The following PCSK5 variants were observed in gnomAD, a reference collection of about 807,000 sequenced individuals.
PCSK5 encodes the protein prohormone convertase 5.
Under a neutral mutation model 233.2 loss-of-function variants are expected in PCSK5, and 129 were observed. That is an observed-to-expected ratio of 0.55 (90% confidence interval 0.48 to 0.64). The LOEUF (loss-of-function observed/expected upper bound fraction) is 0.64, where lower values mean the gene tolerates loss of function less well. Ranked by LOEUF, PCSK5 falls within the 30% of genes least tolerant of loss-of-function variation. PCSK5 has a pLI of 0.00. For synonymous variants in PCSK5, 825 were observed against 879.2 expected, an observed-to-expected ratio of 0.94 and a Z score of 1.09; for missense variants, 2,076 against 2,430.1, an observed-to-expected ratio of 0.85 and a Z score of 3.06.
rs1830311841 is a variant in PCSK5 at position 76,067,025 on chromosome 9, C to A, written c.633-930C>A. On this transcript the variant is annotated intron_variant, in intron 5 of 37. Coordinates refer to ENST00000674117, the MANE Select transcript of PCSK5 (RefSeq NM_001372043.1). ...TCACATCCCCCTTCTGCAGGCATGGCAGACATTAGAGGTCAGTCTTGGTGT... is the reference window on the plus strand; with the variant it reads ...TCACATCCCCCTTCTGCAGGCATGGAAGACATTAGAGGTCAGTCTTGGTGT... Among the ~76,000 whole-genome samples, 3 of 152,178 alleles carry A rather than the reference C, an allele frequency of 2.0e-5. 1 individual carries two copies. Among genetic ancestry groups the A allele is most frequent in the Admixed American group, 1.3e-4 (2 of 15,290 alleles).
At position 76,328,542 on chromosome 9, in the gene PCSK5, T is replaced by G. The variant is rs141291864; in HGVS notation, c.4570+303T>G. Among the ~76,000 whole-genome samples, 213 of 152,248 alleles carry G rather than the reference T, an allele frequency of 1.4e-3. 6 individuals carry two copies. In the East Asian group the frequency reaches 0.038, roughly 27 times the overall value. On this transcript the variant is annotated intron_variant, in intron 33 of 37. Coordinates refer to ENST00000674117, the MANE Select transcript of PCSK5 (RefSeq NM_001372043.1). Reference sequence around the variant, plus strand: ...CTCTATCGCTCTCTTCCTCTCACTCTCTCAATGTATACATGTACATCATTC... The same window carrying G: ...CTCTATCGCTCTCTTCCTCTCACTCGCTCAATGTATACATGTACATCATTC...
intron 20 of PCSK5, among the ~76,000 whole-genome samples, chr9:76,192,026 C>T (rs1397237593): frequency 7.9e-6 from 1 of 126,492 alleles, no homozygotes; most frequent in East Asian, 2.3e-4. Flanking sequence ...TTGCAGAGAG[C>T]AGAGATCGTG....
chr9:75,981,881 G>A (rs1017342255), intron 2 of PCSK5, among the ~76,000 whole-genome samples: 4 of 152,098 alleles, frequency 2.6e-5, no homozygotes, highest in African/African-American at 9.7e-5. Context: ...ATTTGAAATT[G>A]TTTTTTGATT....
chr9:76,133,281 A>G (rs1470031765), intron 9 of PCSK5, among the ~76,000 whole-genome samples: 10 of 152,110 alleles, frequency 6.6e-5, no homozygotes, highest in Non-Finnish European at 1.5e-4. Flanking sequence ...TTAGAATTGC[A>G]TGCATGCGCT....
At chr9:76,158,315 G>C (rs145396902) in intron 11 of PCSK5, among the ~76,000 whole-genome samples, 5 of 152,166 alleles carry the variant, frequency 3.3e-5, no homozygotes, top group Admixed American at 2.0e-4. Context: ...AGCGTTAGCC[G>C]TAGGGACATC....
intron 2 of PCSK5, among the ~76,000 whole-genome samples, chr9:75,941,903 G>C (rs775560780): frequency 4.6e-5 from 7 of 152,182 alleles, no homozygotes; most frequent in Non-Finnish European, 2.9e-5. Context: ...AATATCTGAT[G>C]GGAAAGTTTT....
At chr9:75,991,886 A>G (rs966359934) in intron 3 of PCSK5, among the ~76,000 whole-genome samples, 65 of 152,126 alleles carry the variant, frequency 4.3e-4, no homozygotes, top group Non-Finnish European at 7.6e-4. Context: ...AATGTTCAAG[A>G]CAGCCTAGGC....
chr9:76,055,953 G>C (rs1456479759), intron 5 of PCSK5, among the ~76,000 whole-genome samples: 4 of 152,128 alleles, frequency 2.6e-5, no homozygotes, highest in Non-Finnish European at 5.9e-5. Flanking sequence ...CATCAATTTT[G>C]CACAATATGT....
At chr9:75,925,150 A>C (rs1055806942) in intron 1 of PCSK5, among the ~76,000 whole-genome samples, 5 of 152,182 alleles carry the variant, frequency 3.3e-5, no homozygotes, top group Non-Finnish European at 7.3e-5. Context: ...TGATGGGATG[A>C]GGGAGGGGAC....
intron 24 of PCSK5, among the ~76,000 whole-genome samples, chr9:76,278,592 A>G (rs751694551): frequency 3.9e-5 from 6 of 152,140 alleles, no homozygotes; most frequent in Non-Finnish European, 8.8e-5. Flanking sequence ...TTTTAAAAGC[A>G]TAGAAACATA....
rs112998695 is a variant in PCSK5, at chr9:75,903,578, A to G, written c.192+12205A>G. Among the ~76,000 whole-genome samples the G allele has an allele frequency of 3.4e-3, 282 of 83,982 alleles. 3 individuals carry two copies. Among genetic ancestry groups the G allele is most frequent in the African/African-American group, 0.014 (210 of 15,512 alleles). 55.1% of individuals were successfully genotyped at this position (83,982 alleles called of 152,430 possible). On this transcript the variant is annotated intron_variant, in intron 1 of 37. Coordinates refer to ENST00000674117, the MANE Select transcript of PCSK5 (RefSeq NM_001372043.1). ...TGTGTATATATGTGTGTGTGTGTATATATATATATAAAATATATATTATAT... is the reference window on the plus strand; with the variant it reads ...TGTGTATATATGTGTGTGTGTGTATGTATATATATAAAATATATATTATAT...
chr9:76,133,796 AC>A (rs1353447247), intron 9 of PCSK5, among the ~76,000 whole-genome samples: 2 of 152,024 alleles, frequency 1.3e-5, no homozygotes, highest in Non-Finnish European at 2.9e-5. Flanking sequence ...GGATGACAGC[AC>A]CATAGTAGGC....
intron 37 of PCSK5, among the ~76,000 whole-genome samples, chr9:76,357,042 A>G (rs1464688950): frequency 6.6e-6 from 1 of 152,228 alleles, no homozygotes; most frequent in African/African-American, 2.4e-5. Context: ...AATAGAAAAA[A>G]AATAGACATA....
chr9:76,338,328 G>T lies in PCSK5; in HGVS notation c.4847G>T (p.Arg1616Ile). The change falls in exon 35 of 38, where the codon AGA becomes ATA. Residue 1616 changes from arginine (R) to isoleucine (I), a missense_variant. Coordinates refer to ENST00000674117, the MANE Select transcript of PCSK5 (RefSeq NM_001372043.1). ...CCCACAGACTGCCTGTCTTGCGATA[G>T]ATTTTTCTTTCTGCTCCGCTCCAAA... ...PRPTDCLSCD[R>I]FFFLLRSKGE... 1 of 1,612,656 alleles carries T rather than the reference G, an allele frequency of 6.2e-7. No homozygotes were observed. Among genetic ancestry groups the T allele is most frequent in the Non-Finnish European group, 8.5e-7 (1 of 1,179,750 alleles).
At chr9:76,137,120 T>C (rs555439378) in intron 10 of PCSK5, among the ~76,000 whole-genome samples, 24 of 152,226 alleles carry the variant, frequency 1.6e-4, no homozygotes, top group African/African-American at 5.3e-4. Context: ...TGTTATGGAC[T>C]GGAACAGGGA....
chr9:75,963,874 G>A (rs1283234035), intron 2 of PCSK5, among the ~76,000 whole-genome samples: 5 of 151,888 alleles, frequency 3.3e-5, no homozygotes, highest in Non-Finnish European at 5.9e-5. Flanking sequence ...GCGAGACTTC[G>A]TCTCAAAAAA....
rs1413564263 is a variant in PCSK5, at chr9:76,233,498, C to T, written c.2768C>T (p.Ser923Leu). Residue 923 changes from serine (S) to leucine (L), a missense_variant, in exon 22 of 38, where the codon TCA becomes TTA. Around this residue, in one of 6 missense-constraint regions of PCSK5, gnomAD observed 1,510 missense variants for 1,538.1 expected, o/e 0.98. Coordinates refer to ENST00000674117, the MANE Select transcript of PCSK5 (RefSeq NM_001372043.1). ...DDGRCVSNCP[S>L]WKFEFENQCH... ...GGCCGCTGTGTTTCGAACTGCCCCT[C>T]ATGGAAATTTGAATTTGAGAACCAA... The T allele has an allele frequency of 6.2e-7, 1 of 1,612,776 alleles. No homozygotes were observed. The highest frequency in any genetic ancestry group is 8.5e-7 in the Non-Finnish European group (1 of 1,179,832).
chr9:76,204,549 C>T (rs527976063), intron 20 of PCSK5, among the ~76,000 whole-genome samples: 13 of 151,970 alleles, frequency 8.6e-5, no homozygotes, highest in Admixed American at 3.3e-4. Context: ...CAAGCCTCCC[C>T]GCACTGGACC....
rs11144829 is a variant in PCSK5, at chr9:76,321,648, G to A, written c.4102+9G>A. 317,257 of 1,589,234 alleles carry A rather than the reference G, an allele frequency of 0.2. 32,635 individuals are homozygous for A. Among genetic ancestry groups the A allele is most frequent in the African/African-American group, 0.23 (17,111 of 74,464 alleles). ...TGAGAAAACATGCAAAGGTACCTAGGAGCTTCCCACAGGAGAGCAAGGCTC... is the reference window on the plus strand; with the variant it reads ...TGAGAAAACATGCAAAGGTACCTAGAAGCTTCCCACAGGAGAGCAAGGCTC... On this transcript the variant is annotated intron_variant, in intron 31 of 37. Transcript: ENST00000674117.
Sources: gnomAD v4.1 joint callset for allele counts (sites outside exome capture counted in the v4.1 genomes callset) on GRCh38, gnomAD v4.1.1 for gene constraint, gnomAD v4.1.1 regional missense constraint, MANE v1.5 for transcripts, NCBI Gene and HGNC (gene_info 2026-07-23, HGNC 2026-07-21) for gene names.